The following BTNL9 variants were observed in gnomAD, a reference collection of about 807,000 sequenced individuals.
BTNL9 encodes the protein butyrophilin-like protein 9.
BTNL9 carries 45 observed loss-of-function variants against 45.8 expected under a neutral mutation model. The observed-to-expected ratio is 0.98, with a 90% CI of 0.77 to 1.26. The LOEUF (loss-of-function observed/expected upper bound fraction) is 1.26, where lower values mean the gene tolerates loss of function less well. Ranked by LOEUF, BTNL9 falls within the 50% of genes most tolerant of loss-of-function variation. The probability of loss-of-function intolerance (pLI) is 0.00; values close to 1 mark genes in which losing one functional copy is unlikely to be tolerated. For missense variants in BTNL9, 784 were observed against 729.7 expected, an observed-to-expected ratio of 1.07 and a Z score of -0.86; for synonymous variants, 346 against 330.8, an observed-to-expected ratio of 1.05 and a Z score of -0.50.
At chr5:181,057,897 C>T (rs893871421) in intron 9 of BTNL9, among the ~76,000 whole-genome samples, 2 of 152,148 alleles carry the variant, frequency 1.3e-5, no homozygotes, top group African/African-American at 4.8e-5. Flanking sequence ...TAAAACACAA[C>T]AGAAATCCAC....
At chr5:181,057,601 T>C (rs567956558) in intron 9 of BTNL9, among the ~76,000 whole-genome samples, 1 of 152,248 alleles carries the variant, frequency 6.6e-6, no homozygotes, top group Non-Finnish European at 1.5e-5. Flanking sequence ...TGAATGAACA[T>C]TTTTAAAATA....
chr5:181,046,940 T>C (rs948656635), intron 2 of BTNL9, among the ~76,000 whole-genome samples: 5 of 151,994 alleles, frequency 3.3e-5, no homozygotes, highest in African/African-American at 1.2e-4. Context: ...GGAGAGAACC[T>C]GGAGAGGGAA....
In BTNL9 at chr5:181,048,206, C is replaced by G; in HGVS notation, c.389C>G (p.Thr130Arg). The change falls in exon 3 of 11, where the codon ACA becomes AGA. Residue 130 changes from threonine (T) to arginine (R), a missense_variant. Coordinates refer to ENST00000327705, the MANE Select transcript of BTNL9 (RefSeq NM_152547.5). ...LHSIIPSDKGTYGCRFHSDNF... is the reference protein window; with the variant it reads ...LHSIIPSDKGRYGCRFHSDNF... ...AGCATCATCCCCTCTGACAAGGGCA[C>G]ATATGGCTGCCGCTTCCACTCCGAC... is the stretch of plus-strand genomic sequence containing the variant. The G allele has an allele frequency of 6.2e-7, 1 of 1,613,096 alleles. No homozygotes were observed. Among genetic ancestry groups the G allele is most frequent in the Non-Finnish European group, 8.5e-7 (1 of 1,179,926 alleles).
chr5:181,049,284 TA>T (rs1174960169), intron 3 of BTNL9, among the ~76,000 whole-genome samples: 1 of 152,150 alleles, frequency 6.6e-6, no homozygotes, highest in East Asian at 1.9e-4. Context: ...TAAAGCTTTT[TA>T]AAAACAATTG....
intron 9 of BTNL9, chr5:181,056,646 G>A (rs974120460): frequency 1.4e-6 from 1 of 716,948 alleles, no homozygotes; most frequent in African/African-American, 1.7e-5. Flanking sequence ...ACGGCGCTGT[G>A]TGGAGATTTC....
In BTNL9 at chr5:181,042,340, G is replaced by A. The variant is rs879486543; in HGVS notation, c.-24+1908G>A. Among the ~76,000 whole-genome samples, 33 of 151,832 alleles carry A rather than the reference G, an allele frequency of 2.2e-4. No individual in the cohort carries two copies. The highest frequency in any genetic ancestry group is 3.7e-4 in the Non-Finnish European group (25 of 68,010). On this transcript the variant is annotated intron_variant, in intron 1 of 10. Transcript: ENST00000327705. The surrounding 1 kb of genome is among the most constrained non-coding windows in gnomAD (Gnocchi z 4.5). ...TCCTTCTTCCCCAAATATCCGACGCGTCCAGTCCCTTACTCCTTCCCCAGG... is the reference window on the plus strand; with the variant it reads ...TCCTTCTTCCCCAAATATCCGACGCATCCAGTCCCTTACTCCTTCCCCAGG...
chr5:181,052,717 C>G (rs1761612153), intron 4 of BTNL9: 1 of 152,172 alleles, frequency 6.6e-6, no homozygotes. Flanking sequence ...GTGGGAGCTG[C>G]GAGGCCGCGC....
At chr5:181,040,840 C>T (rs991696242) in intron 1 of BTNL9, among the ~76,000 whole-genome samples, 3 of 152,158 alleles carry the variant, frequency 2.0e-5, no homozygotes, top group Non-Finnish European at 2.9e-5. Context: ...CGGGGAGGCC[C>T]GTGGGAGAGG....
chr5:181,053,487 CGGA>C lies in BTNL9; in HGVS notation c.874_876del (p.Glu292del), dbSNP rs1761694990. 3.2e-6 allele frequency: 5 copies of C among 1,578,608 alleles called. No individual in the cohort carries two copies. In the South Asian group the frequency reaches 5.8e-5, roughly 18 times the overall value. ...CCTTCAGAAAAGCTGAGGAAGCAGG[CGGA>C]GAAGAGACAAGGTGAGCGGGGACAG... On this transcript the variant is annotated inframe_deletion, in exon 6 of 11. Transcript: ENST00000327705. The surrounding 1 kb of genome is among the most constrained non-coding windows in gnomAD (Gnocchi z 6.5).
intron 3 of BTNL9, among the ~76,000 whole-genome samples, chr5:181,048,800 ATT>A (rs1561978975): frequency 1.1e-3 from 40 of 37,910 alleles, no homozygotes; most frequent in Non-Finnish European, 8.8e-4. Context: ...ATAGTTATAT[ATT>A]ATATAATTAT....
rs185998416 is a variant in BTNL9 at position 181,053,288 on chromosome 5, C to A, written c.825C>A (p.Gly275=). 1.9e-6 allele frequency: 3 copies of A among 1,580,516 alleles called. No individual in the cohort carries two copies. In the East Asian group the frequency reaches 7.3e-5, roughly 38 times the overall value. The change falls in exon 5 of 11, where the codon GGC becomes GGA. Residue 275 remains glycine (G), a synonymous_variant. Coordinates refer to ENST00000327705, the MANE Select transcript of BTNL9 (RefSeq NM_152547.5). The surrounding 1 kb of genome is among the most constrained non-coding windows in gnomAD (Gnocchi z 6.5). Reference sequence around the variant, plus strand: ...TGGTCCTCGCGGCGCTGGCGCTGGGCGTCCTCCGGAAGCAGCGGAGAAGCC... The same window carrying A: ...TGGTCCTCGCGGCGCTGGCGCTGGGAGTCCTCCGGAAGCAGCGGAGAAGCC... ...LLLVLAALAL[G]VLRKQRRSRE...
At position 181,048,118 on chromosome 5, in the gene BTNL9, C is replaced by T. The variant is rs376117622; in HGVS notation, c.301C>T (p.Arg101Trp). The T allele has an allele frequency of 6.3e-5, 102 of 1,613,590 alleles. No homozygotes were observed. Among genetic ancestry groups the T allele is most frequent in the African/African-American group, 1.2e-4 (9 of 75,042 alleles). Residue 101 changes from arginine (R) to tryptophan (W), a missense_variant, in exon 3 of 11, where the codon CGG becomes TGG. By Grantham distance (101) the Arg-to-Trp change is moderately radical. Coordinates refer to ENST00000327705, the MANE Select transcript of BTNL9 (RefSeq NM_152547.5). ...ELPGRQMPAF[R>W]NRTKLVKDDI... is the part of the protein sequence containing the mutation. ...CCCTGGCAGGCAGATGCCGGCGTTC[C>T]GGAACAGGACCAAGTTGGTCAAGGA... is the stretch of plus-strand genomic sequence containing the variant.
rs6877644 is a variant in BTNL9, at chr5:181,060,905, T to C, written c.*1043T>C. 0.94 allele frequency: 142,588 copies of C among 152,348 alleles called. 66,777 individuals carry two copies. Among genetic ancestry groups the C allele is most frequent in the Middle Eastern group, 0.97 (284 of 294 alleles). The allele number at this position is 152,348 out of a possible 1,614,324, so 9.4% of individuals were successfully genotyped here. A position where few individuals can be genotyped will look rare whatever the true frequency, so the allele number is the denominator to read the frequency against. ...TGGAGTGCAGCCTCAACCTCCTGGG[T>C]CCAAGTGATCCTCCCACCTCAGCAC... On this transcript the variant is annotated 3_prime_UTR_variant, in exon 11 of 11. Coordinates refer to ENST00000327705, the MANE Select transcript of BTNL9 (RefSeq NM_152547.5).
intron 1 of BTNL9, among the ~76,000 whole-genome samples, chr5:181,041,333 G>A (rs1284630846): frequency 1.3e-5 from 2 of 152,208 alleles, no homozygotes; most frequent in African/African-American, 2.4e-5. Context: ...ATAGTGTTAA[G>A]TTCAGGCAAA....
chr5:181,056,952 G>C, intron 9 of BTNL9: 1 of 238,684 alleles, frequency 4.2e-6, no homozygotes, highest in Non-Finnish European at 8.1e-6. Flanking sequence ...TCACATCACT[G>C]ACCCATTTTT....
chr5:181,059,821 CA>C lies in BTNL9; in HGVS notation c.1568del (p.Gln523ArgfsTer67). On this transcript the variant is annotated frameshift_variant, in exon 11 of 11. Transcript: ENST00000327705. LOFTEE classifies it low-confidence loss of function (END_TRUNC). ...PEENDSDTWL[Q>X]PYEPADPALD... is the part of the protein sequence containing the mutation. Reference sequence around the variant, plus strand: ...AGAGAACGACAGTGACACCTGGCTACAGCCCTATGAGCCCGCGGACCCCGCC... The same window carrying C: ...AGAGAACGACAGTGACACCTGGCTACGCCCTATGAGCCCGCGGACCCCGCC... 6.3e-7 allele frequency: 1 copy of C among 1,596,526 alleles called. No homozygotes were observed. Among genetic ancestry groups the C allele is most frequent in the Non-Finnish European group, 8.5e-7 (1 of 1,177,122 alleles).
chr5:181,042,403 A>C lies in BTNL9; in HGVS notation c.-24+1971A>C, dbSNP rs1296631702. Among the ~76,000 whole-genome samples the C allele has an allele frequency of 6.6e-6, 1 of 152,210 alleles. No homozygotes were observed. Among genetic ancestry groups the C allele is most frequent in the African/African-American group, 2.4e-5 (1 of 41,456 alleles). ...ACCAGGAACAACCTGAAATCAATTT[A>C]CACTGTAATCAAAATAGCAGAGGGT... On this transcript the variant is annotated intron_variant, in intron 1 of 10. Coordinates refer to ENST00000327705, the MANE Select transcript of BTNL9 (RefSeq NM_152547.5). The surrounding 1 kb of genome is among the most constrained non-coding windows in gnomAD (Gnocchi z 4.5).
chr5:181,045,297 G>A (rs1433330673), intron 1 of BTNL9, among the ~76,000 whole-genome samples, 170 bp from the exon 2 acceptor site: 1 of 152,150 alleles, frequency 6.6e-6, no homozygotes, highest in African/African-American at 2.4e-5. Context: ...GGGAAAATTA[G>A]AAGCAGCTCT....
chr5:181,048,882 T>TAAAA (rs1761377184), intron 3 of BTNL9, among the ~76,000 whole-genome samples: 1 of 140,438 alleles, frequency 7.1e-6, no homozygotes, highest in Non-Finnish European at 1.5e-5. Flanking sequence ...TTATATAATA[T>TAAAA]ATCATATATA....
Sources: allele counts gnomAD v4.1 joint callset (sites outside exome capture counted in the v4.1 genomes callset), GRCh38; gene constraint gnomAD v4.1.1; non-coding constraint Gnocchi (gnomAD v3.1); transcripts MANE v1.5; gene names NCBI Gene and HGNC (gene_info 2026-07-23, HGNC 2026-07-21).